Variants in SNTG1 observed in about 807,000 individuals in gnomAD.
The protein encoded by SNTG1 is gamma-1-syntrophin.
SNTG1 carries 39 observed loss-of-function variants against 74.7 expected under a neutral mutation model. The observed-to-expected ratio is 0.52, with a 90% CI of 0.40 to 0.68. SNTG1 has a LOEUF of 0.68. SNTG1 is among the 30% of genes least tolerant of loss of function. SNTG1 has a pLI of 0.00. For synonymous variants in SNTG1, 254 were observed against 217.1 expected (o/e 1.17, Z -1.49); for missense variants, 685 against 609.5 (o/e 1.12, Z -1.30).
In SNTG1 at chr8:50,707,916, A is replaced by C. The variant is rs2095448975; in HGVS notation, c.1192-970A>C. 1.5e-5 allele frequency: 6 copies of C among 393,732 alleles called. No homozygotes were observed. The East Asian group carries it at 2.2e-4, about 14-fold the overall frequency. 24.4% of individuals were successfully genotyped at this position (393,732 alleles called of 1,614,324 possible). A position where few individuals can be genotyped will look rare whatever the true frequency, so the allele number is the denominator to read the frequency against. On this transcript the variant is annotated intron_variant, in intron 16 of 18. Coordinates refer to ENST00000642720, the MANE Select transcript of SNTG1 (RefSeq NM_018967.5). ...TTCAGTATCCGTATTTACTATGAAA[A>C]ATTAGGCTGGGCACAGTGGCTCACG...
chr8:50,687,199 C>T (rs530214984), intron 15 of SNTG1, among the ~76,000 whole-genome samples: 219 of 149,250 alleles, frequency 1.5e-3, no homozygotes, highest in African/African-American at 5.0e-3. Context: ...TATAGAAAAC[C>T]ATGAAACCAC....
intron 12 of SNTG1, among the ~76,000 whole-genome samples, chr8:50,582,303 T>C (rs546026597): frequency 1.3e-5 from 2 of 152,312 alleles, no homozygotes; most frequent in South Asian, 4.1e-4. Flanking sequence ...TACTAAGACC[T>C]AGGCCTTCTC....
rs558393656 is a variant in SNTG1, at chr8:50,060,464, C to G, written c.-102-112097C>G. 1.9e-4 allele frequency among the ~76,000 whole-genome samples: 29 copies of G among 152,102 alleles called. No homozygotes were observed. In the South Asian group the frequency reaches 3.9e-3, roughly 21 times the overall value. ...CAAACACTTGTACCTATGTTTTCTTCTAGTATTTTTATTACATTACCTCTT... is the reference window on the plus strand; with the variant it reads ...CAAACACTTGTACCTATGTTTTCTTGTAGTATTTTTATTACATTACCTCTT... On this transcript the variant is annotated intron_variant, in intron 1 of 18. Coordinates refer to ENST00000642720, the MANE Select transcript of SNTG1 (RefSeq NM_018967.5).
intron 8 of SNTG1, among the ~76,000 whole-genome samples, chr8:50,495,982 T>A (rs1377886373): frequency 2.0e-5 from 3 of 152,194 alleles, no homozygotes; most frequent in African/African-American, 7.2e-5. Context: ...AGTTCGTAAA[T>A]GACTGCATAA....
intron 15 of SNTG1, among the ~76,000 whole-genome samples, chr8:50,661,552 A>G (rs2095223380): frequency 6.6e-6 from 1 of 152,074 alleles, no homozygotes; most frequent in Non-Finnish European, 1.5e-5. Context: ...TTTTTTTAAT[A>G]CTTCAAGTTC....
At chr8:50,480,585 T>C (rs145048489) in intron 8 of SNTG1, among the ~76,000 whole-genome samples, 121 of 152,310 alleles carry the variant, frequency 7.9e-4, no homozygotes, top group African/African-American at 2.8e-3. Context: ...ATTAGAGTAG[T>C]ATTGTCTTTT....
intron 1 of SNTG1, among the ~76,000 whole-genome samples, chr8:50,083,627 G>A (rs1822608533): frequency 6.6e-6 from 1 of 152,170 alleles, no homozygotes; most frequent in Non-Finnish European, 1.5e-5. Flanking sequence ...CAGAAATAGT[G>A]TATGATACAT....
At chr8:50,559,330 A>G (rs939676645) in intron 12 of SNTG1, among the ~76,000 whole-genome samples, 2 of 152,224 alleles carry the variant, frequency 1.3e-5, no homozygotes, top group African/African-American at 4.8e-5. Context: ...TGTTATGTCA[A>G]AATGGATTGT....
intron 12 of SNTG1, among the ~76,000 whole-genome samples, chr8:50,564,288 T>C (rs2094504080): frequency 6.6e-6 from 1 of 152,130 alleles, no homozygotes; most frequent in Non-Finnish European, 1.5e-5. Flanking sequence ...TGAGCTCAAA[T>C]ATTTTTGAGA....
chr8:50,570,473 G>T (rs2094542067), intron 12 of SNTG1, among the ~76,000 whole-genome samples: 1 of 148,964 alleles, frequency 6.7e-6, no homozygotes, highest in Non-Finnish European at 1.5e-5. Context: ...TGGTTAGGCT[G>T]GTCTTGAACT....
intron 4 of SNTG1, among the ~76,000 whole-genome samples, chr8:50,402,648 A>G (rs2092821920): frequency 6.6e-6 from 1 of 152,092 alleles, no homozygotes; most frequent in Non-Finnish European, 1.5e-5. Context: ...TTAATTGAGA[A>G]CTGTGCATGG....
intron 2 of SNTG1, among the ~76,000 whole-genome samples, chr8:50,372,165 T>G (rs2092283718): frequency 6.6e-6 from 1 of 150,672 alleles, no homozygotes; most frequent in Non-Finnish European, 1.5e-5. Context: ...TCTTATCCCA[T>G]GTCAACTTTT....
chr8:50,402,506 A>G (rs1439737008), intron 4 of SNTG1, among the ~76,000 whole-genome samples, 162 bp downstream of exon 4: 1 of 152,176 alleles, frequency 6.6e-6, no homozygotes, highest in Non-Finnish European at 1.5e-5. Flanking sequence ...GCCCTGTACG[A>G]GAACCTTGCC....
At chr8:50,116,739 G>A (rs1403963210) in intron 1 of SNTG1, among the ~76,000 whole-genome samples, 1 of 152,092 alleles carries the variant, frequency 6.6e-6, no homozygotes, top group East Asian at 1.9e-4. Context: ...CATTTTCCAT[G>A]AGCATTTTGC....
intron 5 of SNTG1, among the ~76,000 whole-genome samples, chr8:50,441,963 C>A (rs571357873): frequency 2.6e-4 from 40 of 152,228 alleles, no homozygotes; most frequent in African/African-American, 9.2e-4. Context: ...GCCTGTTTCT[C>A]CATGTTAATT....
intron 1 of SNTG1, among the ~76,000 whole-genome samples, chr8:50,135,701 G>A (rs1412953929): frequency 6.6e-6 from 1 of 152,024 alleles, no homozygotes; most frequent in Non-Finnish European, 1.5e-5. Context: ...GAATATTTAT[G>A]CTGCATCTCT....
chr8:49,967,532 AT>A (rs1314313504), intron 1 of SNTG1, among the ~76,000 whole-genome samples: 2 of 151,982 alleles, frequency 1.3e-5, no homozygotes, highest in Non-Finnish European at 2.9e-5. Context: ...TTTGTTCTCA[AT>A]TTTTATTAAT....
intron 3 of SNTG1, among the ~76,000 whole-genome samples, chr8:50,396,652 C>A (rs1267192858): frequency 6.6e-6 from 1 of 152,076 alleles, no homozygotes; most frequent in African/African-American, 2.4e-5. Flanking sequence ...ATTATCTCTG[C>A]CTACTTTTTG....
chr8:49,979,232 C>A (rs1210052173), intron 1 of SNTG1, among the ~76,000 whole-genome samples: 1 of 152,182 alleles, frequency 6.6e-6, no homozygotes, highest in Admixed American at 6.5e-5. Flanking sequence ...GCAGCCAGAG[C>A]GGAGTGCGCC....
Sources: gnomAD v4.1 joint callset for allele counts (sites outside exome capture counted in the v4.1 genomes callset) on GRCh38, gnomAD v4.1.1 for gene constraint, MANE v1.5 for transcripts, NCBI Gene and HGNC (gene_info 2026-07-23, HGNC 2026-07-21) for gene names.